The following EVI5 variants were observed in gnomAD, a reference collection of about 807,000 sequenced individuals.
EVI5 encodes the protein ecotropic viral integration site 5 protein homolog.
Under a neutral mutation model 112.0 loss-of-function variants are expected in EVI5, and 73 were observed. That is an observed-to-expected ratio of 0.65 (90% CI 0.54 to 0.79). The LOEUF is 0.79. Ranked by LOEUF, EVI5 falls within the 30% of genes least tolerant of loss-of-function variation. The probability of loss-of-function intolerance (pLI) is 0.00; values close to 1 mark genes in which losing one functional copy is unlikely to be tolerated. For synonymous variants in EVI5, 305 were observed against 319.9 expected (o/e 0.95, Z 0.50); for missense variants, 900 against 968.8 (o/e 0.93, Z 0.94).
chr1:92,541,172 T>C (rs1664745637), intron 19 of EVI5, among the ~76,000 whole-genome samples: 2 of 152,354 alleles, frequency 1.3e-5, no homozygotes, highest in African/African-American at 4.8e-5. Flanking sequence ...CTGAAAATCA[T>C]TCTAGTCATA....
chr1:92,534,087 G>A (rs953503754), intron 19 of EVI5, among the ~76,000 whole-genome samples: 1 of 152,104 alleles, frequency 6.6e-6, no homozygotes, highest in African/African-American at 2.4e-5. Flanking sequence ...TGAAGTCTGA[G>A]GATACAAAAT....
At chr1:92,703,678 A>G (rs1187928136) in intron 3 of EVI5, 59 bp from the exon 4 acceptor site, 2 of 1,036,298 alleles carry the variant, frequency 1.9e-6, no homozygotes, top group Non-Finnish European at 2.8e-6. Flanking sequence ...TTGCAAGCCA[A>G]GGAAGACTTA....
chr1:92,524,145 T>TAAAA (rs113683851), intron 19 of EVI5, among the ~76,000 whole-genome samples: 2 of 133,818 alleles, frequency 1.5e-5, no homozygotes, highest in African/African-American at 5.5e-5. Context: ...GTTTATTATT[T>TAAAA]AAAAAAAAAA....
intron 2 of EVI5, among the ~76,000 whole-genome samples, chr1:92,721,809 A>G (rs1674797808): frequency 6.6e-6 from 1 of 152,220 alleles, no homozygotes; most frequent in Admixed American, 6.5e-5. Context: ...CTTACCTACA[A>G]CAATTTTAAT....
chr1:92,635,463 T>C (rs981215244), intron 14 of EVI5, among the ~76,000 whole-genome samples: 64 of 152,250 alleles, frequency 4.2e-4, no homozygotes, highest in African/African-American at 1.5e-3. Context: ...TCTGTGAGCG[T>C]AGGACCCTCC....
chr1:92,670,427 A>T lies in EVI5; in HGVS notation c.1159-4435T>A, dbSNP rs547041999. 3.9e-5 allele frequency among the ~76,000 whole-genome samples: 6 copies of T among 152,270 alleles called. No homozygotes were observed. In the East Asian group the frequency reaches 1.2e-3, roughly 29 times the overall value. On this transcript the variant is annotated intron_variant, in intron 10 of 19. Transcript: ENST00000684568. ...TGTCCCTCAATCCTTGATGTTCTCTATTCCTTCTTGACAAAGTTTAATTTG... is the reference window on the plus strand; with the variant it reads ...TGTCCCTCAATCCTTGATGTTCTCTTTTCCTTCTTGACAAAGTTTAATTTG...
chr1:92,534,340 C>T (rs1663429752), intron 19 of EVI5, among the ~76,000 whole-genome samples: 1 of 152,068 alleles, frequency 6.6e-6, no homozygotes, highest in African/African-American at 2.4e-5. Context: ...AATATTGTGA[C>T]AATGGCCATA....
At chr1:92,629,656 CT>C (rs749218683) in intron 14 of EVI5, among the ~76,000 whole-genome samples, 1 of 150,998 alleles carries the variant, frequency 6.6e-6, no homozygotes, top group East Asian at 1.9e-4. Context: ...ATGAAATTTT[CT>C]TTTTTTTTCT....
At chr1:92,683,173 C>CTACTTCTGAATTCTAATTCAGAAAT (rs1667890371) in intron 9 of EVI5, among the ~76,000 whole-genome samples, 2 of 152,094 alleles carry the variant, frequency 1.3e-5, no homozygotes, top group East Asian at 1.9e-4. Flanking sequence ...GATCACAATT[C>CTACTTCTGAATTCTAATTCAGAAAT]TACTTCTGAA....
intron 1 of EVI5, among the ~76,000 whole-genome samples, chr1:92,743,090 C>A (rs558157899): frequency 2.0e-5 from 3 of 152,184 alleles, no homozygotes; most frequent in African/African-American, 2.4e-5. Flanking sequence ...TGATGGCTCA[C>A]GCCTGTAATC....
chr1:92,737,210 C>T (rs1677590592), intron 1 of EVI5, among the ~76,000 whole-genome samples: 1 of 151,988 alleles, frequency 6.6e-6, no homozygotes, highest in Non-Finnish European at 1.5e-5. Context: ...GGGACTAGCA[C>T]CCCAGGAACA....
chr1:92,758,437 C>T (rs1376978422), intron 1 of EVI5, among the ~76,000 whole-genome samples: 3 of 151,826 alleles, frequency 2.0e-5, no homozygotes, highest in Non-Finnish European at 2.9e-5. Context: ...GGCATAGTGG[C>T]GCACACCTGT....
At chr1:92,768,079 CA>C (rs11449365) in intron 1 of EVI5, among the ~76,000 whole-genome samples, 2,705 of 135,044 alleles carry the variant, frequency 0.02, 101 homozygotes, top group African/African-American at 0.069. Context: ...GACCCTATCT[CA>C]AAAAAAAAAA....
chr1:92,784,463 C>T (rs2103126332), intron 1 of EVI5: 21 of 984,540 alleles, frequency 2.1e-5, no homozygotes, highest in Admixed American at 6.1e-5. Flanking sequence ...CCCTCAGGTC[C>T]CCAAAGGGAA....
intron 19 of EVI5, among the ~76,000 whole-genome samples, chr1:92,542,344 C>T (rs1434776287): frequency 2.0e-5 from 3 of 152,158 alleles, no homozygotes; most frequent in African/African-American, 7.2e-5. Context: ...GCAATTCAGG[C>T]ACATCTTCAG....
At chr1:92,783,836 A>C (rs1451245339) in intron 1 of EVI5, among the ~76,000 whole-genome samples, 1 of 151,260 alleles carries the variant, frequency 6.6e-6, no homozygotes, top group East Asian at 1.9e-4. Flanking sequence ...AGAAAAGAAA[A>C]GAAAAAGAAA....
intron 9 of EVI5, among the ~76,000 whole-genome samples, chr1:92,689,289 T>C (rs1289877762): frequency 2.0e-5 from 3 of 151,938 alleles, no homozygotes; most frequent in Non-Finnish European, 4.4e-5. Context: ...TCCTTAATAA[T>C]GCCCCCTGCT....
chr1:92,732,175 T>G (rs1174766357), intron 2 of EVI5: 1 of 202,864 alleles, frequency 4.9e-6, no homozygotes, highest in Non-Finnish European at 1.0e-5. Flanking sequence ...ACTGAAGACA[T>G]AAACATAAAT....
At chr1:92,707,998 A>G (rs1340464371) in intron 2 of EVI5, among the ~76,000 whole-genome samples, 1 of 152,188 alleles carries the variant, frequency 6.6e-6, no homozygotes, top group Non-Finnish European at 1.5e-5. Context: ...CAGGTGCAAA[A>G]GAGTACATAC....
Sources: gnomAD v4.1 joint callset for allele counts (sites outside exome capture counted in the v4.1 genomes callset) on GRCh38, gnomAD v4.1.1 for gene constraint, MANE v1.5 for transcripts, NCBI Gene and HGNC (gene_info 2026-07-23, HGNC 2026-07-21) for gene names.